NCAPD3: variants seen among roughly 807,000 people sequenced by gnomAD.
NCAPD3 encodes the protein condensin-2 complex subunit D3.
In NCAPD3, 105 loss-of-function variants were observed where a neutral mutation model predicts 182.9. The observed-to-expected ratio is 0.57, with a 90% CI of 0.49 to 0.68. The LOEUF is 0.68. Among genes scored for constraint, NCAPD3 ranks in the 30% least tolerant of loss-of-function variants. The pLI, the probability that NCAPD3 is intolerant of heterozygous loss-of-function variation, is 0.00. For synonymous variants in NCAPD3, 815 were observed against 679.9 expected (o/e 1.20, Z -3.09); for missense variants, 1,944 against 1,837.0 (o/e 1.06, Z -1.07).
At chr11:134,183,225 G>GT in intron 19 of NCAPD3, 1 of 452,914 alleles carries the variant, frequency 2.2e-6, no homozygotes, top group Non-Finnish European at 4.4e-6. Flanking sequence ...AGTAAGTTGT[G>GT]TACCACTGAG....
chr11:134,175,210 G>C (rs1401666610), intron 24 of NCAPD3, among the ~76,000 whole-genome samples: 1 of 152,124 alleles, frequency 6.6e-6, no homozygotes, highest in Non-Finnish European at 1.5e-5. Context: ...GGAAAAATGA[G>C]GAAATGCAGG....
At chr11:134,213,018 C>G (rs1370025414) in intron 3 of NCAPD3, among the ~76,000 whole-genome samples, 1 of 152,126 alleles carries the variant, frequency 6.6e-6, no homozygotes, top group Non-Finnish European at 1.5e-5. Context: ...CAAAAGCAAA[C>G]ATTGTCAGAA....
intron 1 of NCAPD3, 108 bp downstream of exon 1, chr11:134,223,750 AGCCGG>A: frequency 7.7e-7 from 1 of 1,307,074 alleles, no homozygotes; most frequent in South Asian, 1.3e-5. Context: ...CACCGCCGAC[AGCCGG>A]GCGCCCCCAC....
chr11:134,192,999 C>A, intron 15 of NCAPD3, 90 bp from the exon 16 acceptor site: 1 of 739,000 alleles, frequency 1.4e-6, no homozygotes, highest in Non-Finnish European at 2.3e-6. Context: ...AATAATCACA[C>A]CTTCAACTGC....
intron 27 of NCAPD3, 86 bp from the exon 28 acceptor site, chr11:134,161,977 A>T: frequency 1.6e-6 from 1 of 643,178 alleles, no homozygotes; most frequent in East Asian, 2.9e-5. Flanking sequence ...GAGTAGAGCC[A>T]CCCTACCACA....
At position 134,223,573 on chromosome 11, in the gene NCAPD3, C is replaced by A. The variant is rs185576544; in HGVS notation, c.64+290G>T. On this transcript the variant is annotated intron_variant, in intron 1 of 34. Transcript: ENST00000534548. ...TAATAGGTAAGAATAGATAGGTGCA[C>A]GAAGACACGCACAGGAAGAAGGGGA... 1.2e-5 allele frequency: 8 copies of A among 683,030 alleles called. No individual in the cohort carries two copies. The African/African-American group carries it at 1.2e-4, about 11-fold the overall frequency. 42.3% of individuals were successfully genotyped at this position (683,030 alleles called of 1,614,324 possible).
At chr11:134,224,005 G>A (rs946618176), upstream of NCAPD3, 1 of 1,529,998 alleles carries the variant, frequency 6.5e-7, no homozygotes. Context: ...TCGTTCCTGT[G>A]GACCAATCAC....
intron 13 of NCAPD3, among the ~76,000 whole-genome samples, chr11:134,197,579 G>T (rs1003140757): frequency 6.6e-6 from 1 of 152,068 alleles, no homozygotes; most frequent in Non-Finnish European, 1.5e-5. Context: ...GCCTGGCCAC[G>T]TATTTCTTTA....
chr11:134,203,641 T>TC lies in NCAPD3; in HGVS notation c.1468+12dup. ...CAAGACCGGTTTACTGTCCCAATAG[T>TC]CGCCATACTCACTGTTAATCAGGAG... On this transcript the variant is annotated intron_variant, in intron 11 of 34. Transcript: ENST00000534548. The TC allele has an allele frequency of 6.2e-7, 1 of 1,608,578 alleles. No homozygotes were observed. Among genetic ancestry groups the TC allele is most frequent in the Non-Finnish European group, 8.5e-7 (1 of 1,179,126 alleles).
intron 19 of NCAPD3, chr11:134,183,022 G>C: frequency 2.2e-6 from 1 of 448,976 alleles, no homozygotes; most frequent in South Asian, 1.6e-5. Context: ...CCTGAAGACA[G>C]TTCTTGCCTT....
At chr11:134,196,906 T>C (rs951463161) in intron 13 of NCAPD3, among the ~76,000 whole-genome samples, 4 of 152,138 alleles carry the variant, frequency 2.6e-5, no homozygotes, top group African/African-American at 4.8e-5. Flanking sequence ...AAACAACGGA[T>C]ATAGTTTGAG....
At chr11:134,200,507 G>A (rs7940071) in intron 13 of NCAPD3, among the ~76,000 whole-genome samples, 58,803 of 151,952 alleles carry the variant, frequency 0.39, 11,478 homozygotes, top group African/African-American at 0.44. Context: ...TTAGGGAAAT[G>A]TAAATCAAAA....
chr11:134,156,110 G>A (rs535889346), intron 32 of NCAPD3, among the ~76,000 whole-genome samples: 6 of 152,216 alleles, frequency 3.9e-5, no homozygotes, highest in Non-Finnish European at 8.8e-5. Context: ...GTCAGGACTA[G>A]GAGACAGGCT....
intron 1 of NCAPD3, 87 bp from the exon 2 acceptor site, chr11:134,220,813 A>G (rs1236224960): frequency 8.3e-6 from 11 of 1,323,948 alleles, no homozygotes; most frequent in Non-Finnish European, 1.1e-5. Context: ...GTTCAAGAGG[A>G]GAAAAGTTTA....
rs1216186226 is a variant in NCAPD3, at chr11:134,152,243, T to C, written c.*701A>G. The stretch of plus-strand genomic sequence containing the variant: ...AAAGCCATTTTTTCCCAAGAAGGGA[T>C]GCTGTTCATGTCTGTTAGGGAAAGC... On this transcript the variant is annotated 3_prime_UTR_variant, in exon 35 of 35. Coordinates refer to ENST00000534548, the MANE Select transcript of NCAPD3 (RefSeq NM_015261.3). Among the ~76,000 whole-genome samples the C allele has an allele frequency of 2.0e-5, 3 of 152,264 alleles. No homozygotes were observed. Among genetic ancestry groups the C allele is most frequent in the Admixed American group, 6.5e-5 (1 of 15,284 alleles).
chr11:134,157,493 A>AT (rs1943456096), intron 31 of NCAPD3, among the ~76,000 whole-genome samples: 2 of 152,260 alleles, frequency 1.3e-5, no homozygotes, highest in Non-Finnish European at 2.9e-5. Context: ...AGAACAGGAT[A>AT]GTAATAAATC....
At chr11:134,194,183 C>A in intron 14 of NCAPD3, 33 bp from the exon 15 acceptor site, 8 of 1,603,228 alleles carry the variant, frequency 5.0e-6, no homozygotes, top group Non-Finnish European at 6.8e-6. Flanking sequence ...GAACTGTTAA[C>A]TGCATAGCAT....
intron 32 of NCAPD3, among the ~76,000 whole-genome samples, chr11:134,154,767 C>T (rs866643626): frequency 6.6e-6 from 1 of 152,218 alleles, no homozygotes. Context: ...GAGCGCTCCC[C>T]GTTCTCCACT....
At chr11:134,164,964 T>G (rs953899191) in intron 27 of NCAPD3, among the ~76,000 whole-genome samples, 1 of 146,574 alleles carries the variant, frequency 6.8e-6, no homozygotes, top group Non-Finnish European at 1.5e-5. Flanking sequence ...TGACATAAGC[T>G]TAGGGGAGTG....
Sources: allele counts gnomAD v4.1 joint callset (sites outside exome capture counted in the v4.1 genomes callset), GRCh38; gene constraint gnomAD v4.1.1; transcripts MANE v1.5; gene names NCBI Gene and HGNC (gene_info 2026-07-23, HGNC 2026-07-21).